ST18: variants seen among roughly 807,000 people sequenced by gnomAD.
The protein encoded by ST18 is suppression of tumorigenicity 18 protein.
Under a neutral mutation model 110.0 loss-of-function variants are expected in ST18, and 50 were observed. The observed-to-expected ratio is 0.45, with a 90% CI of 0.36 to 0.58. The LOEUF (loss-of-function observed/expected upper bound fraction) is 0.58. Ranked by LOEUF, ST18 falls within the 20% of genes least tolerant of loss-of-function variation. The pLI is 0.00. For missense variants in ST18, 1,306 were observed against 1,280.1 expected, an observed-to-expected ratio of 1.02 and a Z score of -0.31; for synonymous variants, 461 against 452.4, an observed-to-expected ratio of 1.02 and a Z score of -0.24.
chr8:52,137,044 A>G (rs1167747084), intron 18 of ST18, among the ~76,000 whole-genome samples: 1 of 152,164 alleles, frequency 6.6e-6, no homozygotes, highest in Non-Finnish European at 1.5e-5. Context: ...ACTCCTTTGC[A>G]CTGTTTAATC....
intron 2 of ST18, among the ~76,000 whole-genome samples, chr8:52,347,811 T>A (rs1293546652): frequency 1.3e-5 from 2 of 152,186 alleles, no homozygotes; most frequent in East Asian, 3.9e-4. Context: ...TGGATTCAAA[T>A]CCACCTCCTC....
intron 2 of ST18, among the ~76,000 whole-genome samples, chr8:52,230,404 T>G (rs1381751528): frequency 1.3e-5 from 2 of 152,100 alleles, no homozygotes; most frequent in Admixed American, 1.3e-4. Flanking sequence ...AATGACAGTC[T>G]TTTCTGAAGA....
intron 2 of ST18, among the ~76,000 whole-genome samples, chr8:52,328,350 G>T (rs1279200239): frequency 6.6e-6 from 1 of 152,138 alleles, no homozygotes; most frequent in Non-Finnish European, 1.5e-5. Context: ...TTATCATATG[G>T]CCACGAGGCT....
chr8:52,308,264 C>T (rs1203616934), intron 2 of ST18, among the ~76,000 whole-genome samples: 1 of 152,224 alleles, frequency 6.6e-6, no homozygotes, highest in Non-Finnish European at 1.5e-5. Context: ...CTGCACAGAG[C>T]TATGCCACTC....
At position 52,113,267 on chromosome 8, in the gene ST18, C is replaced by G; in HGVS notation, c.3075G>C (p.Arg1025=). ...TLTDMYSNLE[R]DYSPECKALL... The stretch of plus-strand genomic sequence containing the variant: ...GAGCTTTGCATTCCGGGGAATAGTC[C>G]CGTTCCAGATTGCTGTACATATCTG... Residue 1025 remains arginine, a synonymous_variant, in exon 26 of 26, where the codon CGG becomes CGC. Transcript: ENST00000689386. 6.2e-7 allele frequency: 1 copy of G among 1,614,068 alleles called. No homozygotes were observed. The highest frequency in any genetic ancestry group is 1.1e-5 in the South Asian group (1 of 91,076).
In ST18 at chr8:52,111,029, T is replaced by C. The variant is rs1171252935; in HGVS notation, c.*2169A>G. 1 of 398,614 alleles carries C rather than the reference T, an allele frequency of 2.5e-6. No homozygotes were observed. The highest frequency in any genetic ancestry group is 2.1e-5 in the African/African-American group (1 of 48,604). The allele number at this position is 398,614 out of a possible 1,614,324, so 24.7% of individuals were successfully genotyped here. On this transcript the variant is annotated 3_prime_UTR_variant, in exon 26 of 26. Transcript: ENST00000689386. ...CAATTTACAGTATTGATCATTAACA[T>C]AGTTGAAAAGAAAACAAATTCAGTG...
chr8:52,346,098 T>G (rs1817622034), intron 2 of ST18, among the ~76,000 whole-genome samples: 1 of 151,176 alleles, frequency 6.6e-6, no homozygotes, highest in South Asian at 2.1e-4. Flanking sequence ...CCCCAAATAA[T>G]AAAATTAAAA....
chr8:52,268,963 G>A (rs1216441215), intron 2 of ST18, among the ~76,000 whole-genome samples: 1 of 152,192 alleles, frequency 6.6e-6, no homozygotes, highest in Admixed American at 6.5e-5. Flanking sequence ...AGTGCCCTCC[G>A]CAGCATCTTC....
chr8:52,341,425 G>A (rs1814962777), intron 2 of ST18, among the ~76,000 whole-genome samples: 1 of 152,136 alleles, frequency 6.6e-6, no homozygotes. Context: ...TATTTGTGTT[G>A]AGCAGAGTAA....
In ST18 at chr8:52,133,156, A is replaced by G. The variant is rs1442924729; in HGVS notation, c.2364-19T>C. 1.9e-6 allele frequency: 3 copies of G among 1,614,224 alleles called. No homozygotes were observed. Among genetic ancestry groups the G allele is most frequent in the African/African-American group, 2.7e-5 (2 of 75,046 alleles). ...GGACAAGCTGAAATAGGGACCCGACAAAGAACAAAGCAAAATTATGTGATC... is the reference window on the plus strand; with the variant it reads ...GGACAAGCTGAAATAGGGACCCGACGAAGAACAAAGCAAAATTATGTGATC... On this transcript the variant is annotated intron_variant, in intron 20 of 25. Transcript: ENST00000689386.
chr8:52,141,865 C>G (rs2055235826), intron 17 of ST18, among the ~76,000 whole-genome samples: 1 of 152,128 alleles, frequency 6.6e-6, no homozygotes, highest in African/African-American at 2.4e-5. Flanking sequence ...GGGGTGGCAG[C>G]CAAGGAGTCC....
At chr8:52,186,636 C>T (rs1315317578) in intron 8 of ST18, among the ~76,000 whole-genome samples, 1 of 152,120 alleles carries the variant, frequency 6.6e-6, no homozygotes, top group Admixed American at 6.6e-5. Context: ...GTAGTCTCTC[C>T]CATACCGGAA....
intron 2 of ST18, among the ~76,000 whole-genome samples, chr8:52,271,026 G>T (rs977661764): frequency 5.9e-5 from 9 of 151,846 alleles, no homozygotes; most frequent in Non-Finnish European, 1.3e-4. Context: ...AGCCTCCCGA[G>T]TAGCTGGGAC....
intron 2 of ST18, among the ~76,000 whole-genome samples, chr8:52,380,815 G>A (rs995543169): frequency 6.6e-6 from 1 of 152,148 alleles, no homozygotes; most frequent in Non-Finnish European, 1.5e-5. Flanking sequence ...CAGTTCAGGA[G>A]AGAATCAGCA....
chr8:52,175,910 C>G (rs1180800183), intron 9 of ST18, among the ~76,000 whole-genome samples: 1 of 152,202 alleles, frequency 6.6e-6, no homozygotes, highest in African/African-American at 2.4e-5. Flanking sequence ...GTTTTGGAAA[C>G]ACAGCGACCC....
At chr8:52,165,006 T>C in intron 12 of ST18, 129 bp downstream of exon 12, 2 of 793,842 alleles carry the variant, frequency 2.5e-6, no homozygotes, top group Non-Finnish European at 4.2e-6. Flanking sequence ...TTCTTCTCTA[T>C]TTCAAGTGTC....
intron 2 of ST18, among the ~76,000 whole-genome samples, chr8:52,394,712 C>G (rs998117482): frequency 2.6e-5 from 4 of 152,200 alleles, no homozygotes; most frequent in Non-Finnish European, 5.9e-5. Context: ...TGAGGGCAAC[C>G]TAGCACCTGA....
intron 4 of ST18, among the ~76,000 whole-genome samples, chr8:52,221,345 T>C (rs371483006): frequency 6.6e-6 from 1 of 152,216 alleles, no homozygotes; most frequent in Non-Finnish European, 1.5e-5. Flanking sequence ...CATCATAACA[T>C]GATACCAATC....
chr8:52,276,018 AC>A (rs1479669866), intron 2 of ST18, among the ~76,000 whole-genome samples: 1 of 20,730 alleles, frequency 4.8e-5, no homozygotes, highest in African/African-American at 1.5e-4. Flanking sequence ...CGTACCACAT[AC>A]CCCCCACACA....
Sources: allele counts gnomAD v4.1 joint callset (sites outside exome capture counted in the v4.1 genomes callset), GRCh38; gene constraint gnomAD v4.1.1; transcripts MANE v1.5; gene names NCBI Gene and HGNC (gene_info 2026-07-23, HGNC 2026-07-21).